Variants in LRP1B observed in about 807,000 individuals in gnomAD.
The protein encoded by LRP1B is low-density lipoprotein receptor-related protein 1B.
A neutral mutation model predicts 556.6 loss-of-function variants in LRP1B; 217 were observed. That is an observed-to-expected ratio of 0.39 (90% confidence interval 0.35 to 0.44). The LOEUF is 0.44. Ranked by LOEUF, LRP1B falls within the 20% of genes least tolerant of loss-of-function variation. The pLI is 1.00. For missense variants in LRP1B, 5,053 were observed against 5,620.8 expected (o/e 0.90, Z 3.23); for synonymous variants, 2,047 against 1,865.8 (o/e 1.10, Z -2.50).
chr2:140,704,533 A>G (rs1414909735), intron 37 of LRP1B, among the ~76,000 whole-genome samples: 1 of 151,960 alleles, frequency 6.6e-6, no homozygotes, highest in Non-Finnish European at 1.5e-5. Flanking sequence ...TGAAGCAGGC[A>G]TTTAAAAATC....
At position 141,591,372 on chromosome 2, in the gene LRP1B, T is replaced by TG. The variant is rs1485980584; in HGVS notation, c.206-110840_206-110839insC. 6.0e-5 allele frequency among the ~76,000 whole-genome samples: 9 copies of TG among 150,958 alleles called. No individual in the cohort carries two copies. The East Asian group carries it at 1.2e-3, about 19-fold the overall frequency. On this transcript the variant is annotated intron_variant, in intron 2 of 90. Transcript: ENST00000389484. Reference sequence around the variant, plus strand: ...TTGTTGTTGTTTGTTTGTTTTTTTTTTTTTCCCAGGCCTCTGATCTGGGCC... The same window carrying TG: ...TTGTTGTTGTTTGTTTGTTTTTTTTTGTTTTCCCAGGCCTCTGATCTGGGCC...
intron 2 of LRP1B, among the ~76,000 whole-genome samples, chr2:141,788,055 G>A (rs897208549): frequency 6.6e-6 from 1 of 152,022 alleles, no homozygotes; most frequent in Admixed American, 6.6e-5. Context: ...CTGGTAGGAA[G>A]TACCTAATCT....
chr2:140,440,091 G>A (rs1023203581), intron 66 of LRP1B, among the ~76,000 whole-genome samples: 1 of 152,014 alleles, frequency 6.6e-6, no homozygotes, highest in Non-Finnish European at 1.5e-5. Flanking sequence ...TCGGACTTTA[G>A]AAATGAAATA....
intron 1 of LRP1B, among the ~76,000 whole-genome samples, chr2:142,102,521 T>C (rs1706603287): frequency 6.7e-6 from 1 of 149,496 alleles, no homozygotes; most frequent in Admixed American, 6.8e-5. Context: ...TGAATTACAC[T>C]GGGAGGCAAA....
chr2:140,659,098 GTTTTTT>G (rs59651364), intron 41 of LRP1B, among the ~76,000 whole-genome samples: 14 of 61,142 alleles, frequency 2.3e-4, no homozygotes, highest in East Asian at 7.8e-4. Flanking sequence ...CTGTAAATCT[GTTTTTT>G]TTTTTTTTTT....
intron 1 of LRP1B, among the ~76,000 whole-genome samples, chr2:142,115,534 T>A (rs1172983582): frequency 2.3e-5 from 1 of 43,996 alleles, no homozygotes; most frequent in African/African-American, 6.9e-5. Flanking sequence ...AATATATATA[T>A]TACATATGTA....
chr2:141,072,500 A>G (rs1699674802), intron 7 of LRP1B, among the ~76,000 whole-genome samples: 1 of 151,950 alleles, frequency 6.6e-6, no homozygotes, highest in Admixed American at 6.6e-5. Context: ...GATTCCCATG[A>G]TGATAAATAG....
intron 11 of LRP1B, among the ~76,000 whole-genome samples, chr2:141,025,091 G>T (rs1229523734): frequency 6.6e-6 from 1 of 152,104 alleles, no homozygotes; most frequent in Admixed American, 6.6e-5. Context: ...GTCCTGAAAA[G>T]TCATAATCTG....
chr2:141,738,119 C>G (rs1693559426), intron 2 of LRP1B, among the ~76,000 whole-genome samples: 1 of 151,972 alleles, frequency 6.6e-6, no homozygotes, highest in African/African-American at 2.4e-5. Flanking sequence ...TAGTATGCTT[C>G]AGGAAATAGA....
intron 2 of LRP1B, among the ~76,000 whole-genome samples, chr2:141,719,888 T>C (rs1692753677): frequency 6.6e-6 from 1 of 152,120 alleles, no homozygotes; most frequent in Non-Finnish European, 1.5e-5. Context: ...AAATTAACCA[T>C]TGAGTAATAT....
chr2:141,721,928 T>A (rs1053793248), intron 2 of LRP1B, among the ~76,000 whole-genome samples: 1 of 152,162 alleles, frequency 6.6e-6, no homozygotes, highest in Non-Finnish European at 1.5e-5. Context: ...AAACAGACCC[T>A]AGTAGGTTAA....
intron 1 of LRP1B, among the ~76,000 whole-genome samples, chr2:141,880,445 G>T (rs1229413112): frequency 6.6e-6 from 1 of 151,720 alleles, no homozygotes; most frequent in African/African-American, 2.4e-5. Flanking sequence ...ATATATAAAT[G>T]ATTATGTCAC....
At chr2:140,980,110 G>GA (rs1459289100) in intron 18 of LRP1B, among the ~76,000 whole-genome samples, 3 of 151,282 alleles carry the variant, frequency 2.0e-5, no homozygotes, top group Non-Finnish European at 4.4e-5. Flanking sequence ...TAAAAAAAAA[G>GA]AAAAAAAGAG....
In LRP1B at chr2:141,999,499, G is replaced by A. The variant is rs368471391; in HGVS notation, c.82+131149C>T. 1.0e-3 allele frequency among the ~76,000 whole-genome samples: 159 copies of A among 152,012 alleles called. 1 individual carries two copies. Among genetic ancestry groups the A allele is most frequent in the East Asian group, 5.8e-3 (30 of 5,182 alleles). On this transcript the variant is annotated intron_variant, in intron 1 of 90. Transcript: ENST00000389484. Reference sequence around the variant, plus strand: ...TTTGAAAAATATATTACAAAAGACCGCAATGGCTTGTTTAATTTTATTGAA... The same window carrying A: ...TTTGAAAAATATATTACAAAAGACCACAATGGCTTGTTTAATTTTATTGAA...
At chr2:142,100,251 G>A (rs1022337138) in intron 1 of LRP1B, among the ~76,000 whole-genome samples, 3 of 151,836 alleles carry the variant, frequency 2.0e-5, no homozygotes, top group African/African-American at 7.3e-5. Flanking sequence ...GAGATATCAG[G>A]GGGCCCAAGG....
intron 1 of LRP1B, among the ~76,000 whole-genome samples, chr2:141,851,409 C>T (rs1697851313): frequency 6.6e-6 from 1 of 151,762 alleles, no homozygotes; most frequent in Non-Finnish European, 1.5e-5. Flanking sequence ...ATTTCCTATT[C>T]TGCTATACAC....
In LRP1B at chr2:140,231,442, T is replaced by C. The variant is rs781080797; in HGVS notation, c.*1744A>G. On this transcript the variant is annotated 3_prime_UTR_variant, in exon 91 of 91. Transcript: ENST00000389484. ...AAGCTCTTAAATATGTAGAATTTCA[T>C]TTAAATAAGTCAGTCAACAATTTTT... The C allele has an allele frequency of 1.3e-5, 2 of 151,786 alleles. No individual in the cohort carries two copies. Among genetic ancestry groups the C allele is most frequent in the African/African-American group, 2.4e-5 (1 of 41,356 alleles). 9.4% of individuals were successfully genotyped at this position (151,786 alleles called of 1,614,324 possible). A position where few individuals can be genotyped will look rare whatever the true frequency, so the allele number is the denominator to read the frequency against.
At chr2:140,240,892 T>C (rs1260796728) in intron 87 of LRP1B, among the ~76,000 whole-genome samples, 2 of 150,982 alleles carry the variant, frequency 1.3e-5, no homozygotes, top group African/African-American at 4.8e-5. Flanking sequence ...TATAAATATA[T>C]AGATATGTTT....
intron 84 of LRP1B, among the ~76,000 whole-genome samples, chr2:140,291,809 C>T (rs1373342242): frequency 1.3e-5 from 2 of 152,172 alleles, no homozygotes; most frequent in South Asian, 4.1e-4. Flanking sequence ...ATTTATAGTC[C>T]TTTGGGTATA....
Sources: allele counts gnomAD v4.1 joint callset (sites outside exome capture counted in the v4.1 genomes callset), GRCh38; gene constraint gnomAD v4.1.1; transcripts MANE v1.5; gene names NCBI Gene and HGNC (gene_info 2026-07-23, HGNC 2026-07-21).